The following CPA5 variants were observed in gnomAD, a reference collection of about 807,000 sequenced individuals.
CPA5 encodes the protein carboxypeptidase A5, also known as testicular tissue protein Li 32.
Under a neutral mutation model 52.2 loss-of-function variants are expected in CPA5, and 38 were observed. The ratio of observed to expected loss-of-function variants is 0.73; its 90% CI spans 0.56 to 0.95. The LOEUF is 0.95. Among genes scored for constraint, CPA5 ranks in the 40% least tolerant of loss-of-function variants. The pLI is 0.00. For missense variants in CPA5, 519 were observed against 566.7 expected (o/e 0.92, Z 0.86); for synonymous variants, 198 against 213.7 (o/e 0.93, Z 0.64).
intron 12 of CPA5, 99 bp from the exon 13 acceptor site, chr7:130,368,311 G>T: frequency 8.2e-7 from 1 of 1,226,122 alleles, no homozygotes; most frequent in Non-Finnish European, 1.2e-6. Flanking sequence ...GTGGGGGTTT[G>T]GCTCCCAGGG....
Position 130,367,527 on chromosome 7 carries a change from C to T in CPA5, c.994C>T (p.Pro332Ser). 5 of 1,614,082 alleles carry T rather than the reference C, an allele frequency of 3.1e-6. No homozygotes were observed. In the South Asian group the frequency reaches 4.4e-5, roughly 14 times the overall value. The change falls in exon 11 of 13, where the codon CCT becomes TCT. Residue 332 changes from proline to serine, a missense_variant. Pro to Ser is a moderately conservative substitution (Grantham distance 74, BLOSUM62 -1). Coordinates refer to ENST00000474905, the MANE Select transcript of CPA5 (RefSeq NM_080385.5). Reference sequence around the variant, plus strand: ...CAGCTACTCTCAGATGCTTATGTACCCTTACGGCCGATTGCTGGAGCCCGT... The same window carrying T: ...CAGCTACTCTCAGATGCTTATGTACTCTTACGGCCGATTGCTGGAGCCCGT... ...IHSYSQMLMY[P>S]YGRLLEPVSN...
intron 5 of CPA5, among the ~76,000 whole-genome samples, chr7:130,355,176 A>G (rs1178741739): frequency 2.0e-5 from 3 of 152,138 alleles, no homozygotes; most frequent in Non-Finnish European, 4.4e-5. Flanking sequence ...CAAGTCCTAC[A>G]GAAGCTATCC....
intron 10 of CPA5, 86 bp downstream of exon 10, chr7:130,363,595 C>T (rs1795915425): frequency 2.6e-6 from 3 of 1,161,062 alleles, no homozygotes; most frequent in Admixed American, 4.0e-5. Flanking sequence ...ATTATGTTGA[C>T]TCAACTTGGG....
chr7:130,363,302 C>A, intron 9 of CPA5, 117 bp from the exon 10 acceptor site: 1 of 771,886 alleles, frequency 1.3e-6, no homozygotes, highest in Non-Finnish European at 2.1e-6. Flanking sequence ...GCAATTCCTT[C>A]CCTTTGCTCC....
At chr7:130,357,283 G>C (rs956471639) in intron 5 of CPA5, among the ~76,000 whole-genome samples, 2 of 152,162 alleles carry the variant, frequency 1.3e-5, no homozygotes, top group Non-Finnish European at 2.9e-5. Flanking sequence ...TGTGGCAGGT[G>C]GGGCGGGGAG....
At chr7:130,347,334 T>C (rs925608399) in intron 3 of CPA5, among the ~76,000 whole-genome samples, 13 of 152,342 alleles carry the variant, frequency 8.5e-5, no homozygotes, top group African/African-American at 3.1e-4. Flanking sequence ...AGACAGACCA[T>C]GGCCTTGGGG....
At chr7:130,356,302 G>A (rs1054808058) in intron 5 of CPA5, among the ~76,000 whole-genome samples, 2 of 152,164 alleles carry the variant, frequency 1.3e-5, no homozygotes, top group East Asian at 1.9e-4. Flanking sequence ...TTGACTCATC[G>A]TAAATTAATT....
chr7:130,367,885 C>G, intron 11 of CPA5, 21 bp from the exon 12 acceptor site: 1 of 1,611,640 alleles, frequency 6.2e-7, no homozygotes, highest in Non-Finnish European at 8.5e-7. Flanking sequence ...TGCCTTTCAC[C>G]CCGCCAATGT....
rs782237479 is a variant in CPA5 at position 130,363,490 on chromosome 7, C to T, written c.819C>T (p.Asn273=). 1 of 1,586,420 alleles carries T rather than the reference C, an allele frequency of 6.3e-7. No individual in the cohort carries two copies. The highest frequency in any genetic ancestry group is 1.7e-4 in the Middle Eastern group (1 of 6,026). ...GCATCGGCGTGGATCTCAACAGGAA[C>T]TGGAAGTCGGGTTTTGGAGGTATGG... ...IFCIGVDLNR[N]WKSGFGGNGS... Residue 273 remains asparagine, a synonymous_variant, in exon 10 of 13, where the codon AAC becomes AAT. Transcript: ENST00000474905.
chr7:130,367,783 C>A, intron 11 of CPA5, 123 bp from the exon 12 acceptor site: 2 of 911,582 alleles, frequency 2.2e-6, no homozygotes, highest in Non-Finnish European at 3.6e-6. Context: ...CTCACAAGGG[C>A]CATCTCCACC....
intron 5 of CPA5, among the ~76,000 whole-genome samples, chr7:130,352,098 G>C (rs1372291394): frequency 1.3e-5 from 2 of 152,148 alleles, no homozygotes; most frequent in African/African-American, 4.8e-5. Flanking sequence ...AAAGAGGAGT[G>C]GTCGTGTTTG....
chr7:130,351,090 G>A (rs1348663447), intron 5 of CPA5, among the ~76,000 whole-genome samples: 2 of 152,196 alleles, frequency 1.3e-5, no homozygotes, highest in African/African-American at 4.8e-5. Flanking sequence ...GCAGCATTCC[G>A]TTCCCATGCG....
At chr7:130,356,781 G>A (rs1305359117) in intron 5 of CPA5, among the ~76,000 whole-genome samples, 6 of 152,040 alleles carry the variant, frequency 3.9e-5, no homozygotes, top group Admixed American at 3.3e-4. Context: ...TTCTTTTTCC[G>A]ATTTCTCCTC....
intron 10 of CPA5, among the ~76,000 whole-genome samples, chr7:130,363,907 G>T (rs1554407556): frequency 6.6e-6 from 1 of 152,220 alleles, no homozygotes; most frequent in African/African-American, 2.4e-5. Context: ...CTGCCCTGAA[G>T]GGAGCACAAC....
At chr7:130,362,600 C>A in intron 8 of CPA5, 61 bp downstream of exon 8, 1 of 1,257,320 alleles carries the variant, frequency 8.0e-7, no homozygotes. Context: ...GGGGCAGGAA[C>A]TTACTATTTA....
rs1554407357 is a variant in CPA5 at position 130,363,404 on chromosome 7, C to A, written c.748-15C>A. On this transcript the variant is annotated splice_polypyrimidine_tract_variant and intron_variant, in intron 9 of 12. Coordinates refer to ENST00000474905, the MANE Select transcript of CPA5 (RefSeq NM_080385.5). Reference sequence around the variant, plus strand: ...GGGCCCAGTGAATGAGGTCACCTGTCCTGGGCTTTCCCAGAACCGCTTATG... The same window carrying A: ...GGGCCCAGTGAATGAGGTCACCTGTACTGGGCTTTCCCAGAACCGCTTATG... 4 of 1,558,070 alleles carry A rather than the reference C, an allele frequency of 2.6e-6. No individual in the cohort carries two copies. Among genetic ancestry groups the A allele is most frequent in the Non-Finnish European group, 3.5e-6 (4 of 1,149,016 alleles).
intron 10 of CPA5, 103 bp from the exon 11 acceptor site, chr7:130,367,269 A>C: frequency 8.0e-6 from 8 of 1,003,152 alleles, no homozygotes; most frequent in Non-Finnish European, 1.2e-5. Flanking sequence ...GTCATACTGC[A>C]AAGGAGGCTG....
At chr7:130,358,336 A>G (rs1262183859) in intron 5 of CPA5, among the ~76,000 whole-genome samples, 1 of 152,044 alleles carries the variant, frequency 6.6e-6, no homozygotes, top group African/African-American at 2.4e-5. Context: ...TAGTTTTGAT[A>G]GTTGGCCTTA....
At chr7:130,346,244 C>A in intron 2 of CPA5, 149 bp from the exon 3 acceptor site, 1 of 376,712 alleles carries the variant, frequency 2.7e-6, no homozygotes, top group Non-Finnish European at 4.6e-6. Context: ...AAAAGAAAAG[C>A]TAAGGCCTGT....
Sources: gnomAD v4.1 joint callset for allele counts (sites outside exome capture counted in the v4.1 genomes callset) on GRCh38, gnomAD v4.1.1 for gene constraint, MANE v1.5 for transcripts, NCBI Gene and HGNC (gene_info 2026-07-23, HGNC 2026-07-21) for gene names.